Variants in EFR3B observed in about 807,000 individuals in gnomAD.
EFR3B encodes protein EFR3 homolog B.
Under a neutral mutation model 104.7 loss-of-function variants are expected in EFR3B, and 64 were observed. The observed-to-expected ratio is 0.61, with a 90% CI of 0.50 to 0.75. The LOEUF (loss-of-function observed/expected upper bound fraction) is 0.75, where lower values mean the gene tolerates loss of function less well. EFR3B is among the 30% of genes least tolerant of loss of function. EFR3B has a pLI of 0.00. For synonymous variants in EFR3B, 385 were observed against 417.9 expected (o/e 0.92, Z 0.96); for missense variants, 750 against 1,078.5 (o/e 0.70, Z 4.27).
chr2:25,138,013 A>G (rs953443467), intron 15 of EFR3B, among the ~76,000 whole-genome samples: 1 of 152,036 alleles, frequency 6.6e-6, no homozygotes, highest in Non-Finnish European at 1.5e-5. Context: ...CTCCACTAAA[A>G]ATACAAAAAT....
chr2:25,094,680 A>C (rs1669229524), intron 3 of EFR3B, among the ~76,000 whole-genome samples: 2 of 152,224 alleles, frequency 1.3e-5, no homozygotes, highest in African/African-American at 2.4e-5. Flanking sequence ...CTAGAAAGTA[A>C]TTTTGAAATA....
In EFR3B at chr2:25,131,244, G is replaced by A; in HGVS notation, c.850-124G>A. 1 of 1,312,682 alleles carries A rather than the reference G, an allele frequency of 7.6e-7. No individual in the cohort carries two copies. The highest frequency in any genetic ancestry group is 1.0e-6 in the Non-Finnish European group (1 of 975,224). The allele number at this position is 1,312,682 out of a possible 1,614,324, so 81.3% of individuals were successfully genotyped here. On this transcript the variant is annotated intron_variant, in intron 8 of 22. Coordinates refer to ENST00000403714, the MANE Select transcript of EFR3B (RefSeq NM_014971.2). The surrounding 1 kb of genome is among the most constrained non-coding windows in gnomAD (Gnocchi z 7.6). ...AGGGCACGAGGTGTCAGTGCCAACT[G>A]CAGTGCCCGGGGCCTTGGAACGTCC... is the stretch of plus-strand genomic sequence containing the variant.
intron 4 of EFR3B, among the ~76,000 whole-genome samples, chr2:25,118,222 C>T (rs1302348287): frequency 6.6e-6 from 1 of 152,188 alleles, no homozygotes; most frequent in Non-Finnish European, 1.5e-5. Context: ...CTCAAGTGAT[C>T]TGCCTGCCTC....
intron 17 of EFR3B, 77 bp from the exon 18 acceptor site, chr2:25,143,658 C>T: frequency 2.6e-6 from 4 of 1,512,446 alleles, no homozygotes; most frequent in East Asian, 2.5e-5. Context: ...AAAACCCTGT[C>T]TTAAAAAAAA....
chr2:25,044,151 G>C (rs1302723468), intron 1 of EFR3B, among the ~76,000 whole-genome samples: 1 of 152,178 alleles, frequency 6.6e-6, no homozygotes, highest in East Asian at 1.9e-4. Flanking sequence ...AACAGATATG[G>C]TATTTACCCT....
chr2:25,136,513 C>T lies in EFR3B; in HGVS notation c.1485-10C>T, dbSNP rs1263768637. On this transcript the variant is annotated splice_polypyrimidine_tract_variant and intron_variant, in intron 13 of 22. Transcript: ENST00000403714. This position sits in a 1 kb window ranked among gnomAD's most constrained non-coding sequence, Gnocchi z 4.0. ...CAAGGGCTAAGGAGGCCCTTTGCATCCCTTCCCAGTACCCTCAGTGACATC... is the reference window on the plus strand; with the variant it reads ...CAAGGGCTAAGGAGGCCCTTTGCATTCCTTCCCAGTACCCTCAGTGACATC... The T allele has an allele frequency of 1.9e-6, 3 of 1,551,040 alleles. No individual in the cohort carries two copies. Among genetic ancestry groups the T allele is most frequent in the Non-Finnish European group, 2.6e-6 (3 of 1,146,674 alleles).
At chr2:25,101,913 A>T (rs1392223756) in intron 3 of EFR3B, among the ~76,000 whole-genome samples, 4 of 152,244 alleles carry the variant, frequency 2.6e-5, no homozygotes, top group Non-Finnish European at 5.9e-5. Flanking sequence ...AAAACAAAAC[A>T]AAAACAAAAA....
At chr2:25,074,330 C>T (rs913776082) in intron 1 of EFR3B, among the ~76,000 whole-genome samples, 2 of 152,142 alleles carry the variant, frequency 1.3e-5, no homozygotes, top group Admixed American at 6.5e-5. Context: ...CTTTGGGAGG[C>T]CGAGGCGGAT....
At chr2:25,140,039 G>A (rs1490091590) in intron 16 of EFR3B, among the ~76,000 whole-genome samples, 7 of 152,178 alleles carry the variant, frequency 4.6e-5, no homozygotes, top group African/African-American at 1.7e-4. Context: ...CAAGCCAGGC[G>A]CAGTGGCTCA....
chr2:25,101,438 C>A (rs574822114), intron 3 of EFR3B, among the ~76,000 whole-genome samples: 3 of 152,196 alleles, frequency 2.0e-5, no homozygotes, highest in African/African-American at 7.2e-5. Flanking sequence ...CAGCCTCGAC[C>A]TCTCAGGCTC....
chr2:25,136,575 C>T lies in EFR3B; in HGVS notation c.1537C>T (p.Gln513Ter). The T allele has an allele frequency of 6.4e-7, 1 of 1,551,402 alleles. No homozygotes were observed. ...GCTGAAAGTGGACAAGTGCTCTCGA[C>T]AGGACACCGTCTTCATGAAGAAGGT... ...LKLKVDKCSRQDTVFMKKHSQ... is the reference protein window; with the variant it reads ...LKLKVDKCSR The change falls in exon 14 of 23, where the codon CAG (glutamine) becomes TAG (stop). Residue 513 changes from glutamine to a stop codon, truncating the protein, a stop_gained. Coordinates refer to ENST00000403714, the MANE Select transcript of EFR3B (RefSeq NM_014971.2). LOFTEE classifies it high-confidence loss of function. This position sits in a 1 kb window ranked among gnomAD's most constrained non-coding sequence, Gnocchi z 4.0.
chr2:25,103,191 CCTT>C (rs1164863000), intron 3 of EFR3B, among the ~76,000 whole-genome samples: 1 of 152,170 alleles, frequency 6.6e-6, no homozygotes, highest in Non-Finnish European at 1.5e-5. Flanking sequence ...TGAATGACTG[CCTT>C]CTTCATCCTT....
intron 6 of EFR3B, 79 bp downstream of exon 6, chr2:25,128,411 T>G: frequency 6.5e-7 from 1 of 1,527,230 alleles, no homozygotes; most frequent in African/African-American, 1.4e-5. Context: ...TGGTTTGGGT[T>G]GGTCAGTAAA....
intron 19 of EFR3B, 144 bp from the exon 20 acceptor site, chr2:25,149,550 G>C (rs1039064215): frequency 1.0e-5 from 8 of 765,354 alleles, no homozygotes; most frequent in African/African-American, 6.9e-5. Flanking sequence ...AGACCCTGAG[G>C]GGGGTGGGGG....
chr2:25,118,994 GTACATTTGAGTCTACACAGTCAC>G (rs1410346792), intron 4 of EFR3B, among the ~76,000 whole-genome samples: 1 of 152,122 alleles, frequency 6.6e-6, no homozygotes, highest in Non-Finnish European at 1.5e-5. Context: ...TTCTCCTAAT[GTACATTTGAGTCTACACAGTCAC>G]TACATGCTGG....
rs1362030381 is a variant in EFR3B, at chr2:25,156,683, T to C, written c.*2343T>C. ...CCCAAGGCTTTTTGGCTGTGCTTTATGGCCTCTGGCTTATACTCAACCCAA... is the reference window on the plus strand; with the variant it reads ...CCCAAGGCTTTTTGGCTGTGCTTTACGGCCTCTGGCTTATACTCAACCCAA... On this transcript the variant is annotated 3_prime_UTR_variant, in exon 23 of 23. Transcript: ENST00000403714. The C allele has an allele frequency of 6.6e-6, 1 of 152,258 alleles. No individual in the cohort carries two copies. The highest frequency in any genetic ancestry group is 1.5e-5 in the Non-Finnish European group (1 of 68,052). 9.4% of individuals were successfully genotyped at this position (152,258 alleles called of 1,614,324 possible). A position where few individuals can be genotyped will look rare whatever the true frequency, so the allele number is the denominator to read the frequency against.
Position 25,131,265 on chromosome 2 carries a change from C to T in EFR3B, c.850-103C>T, listed in dbSNP as rs1304562459. 1.1e-5 allele frequency: 16 copies of T among 1,447,256 alleles called. No homozygotes were observed. Among genetic ancestry groups the T allele is most frequent in the African/African-American group, 2.8e-5 (2 of 71,000 alleles). The allele number at this position is 1,447,256 out of a possible 1,614,324, so 89.7% of individuals were successfully genotyped here. On this transcript the variant is annotated intron_variant, in intron 8 of 22. Transcript: ENST00000403714. The surrounding 1 kb of genome is among the most constrained non-coding windows in gnomAD (Gnocchi z 7.6). ...AACTGCAGTGCCCGGGGCCTTGGAACGTCCCTTTAGTTTACCCCCGCCTTT... is the reference window on the plus strand; with the variant it reads ...AACTGCAGTGCCCGGGGCCTTGGAATGTCCCTTTAGTTTACCCCCGCCTTT...
chr2:25,150,935 A>G (rs1670986311), intron 20 of EFR3B, among the ~76,000 whole-genome samples: 1 of 151,374 alleles, frequency 6.6e-6, no homozygotes, highest in African/African-American at 2.4e-5. Flanking sequence ...TAAACTGAGT[A>G]TGGGCCAGGC....
intron 1 of EFR3B, chr2:25,080,082 A>T: frequency 2.2e-6 from 2 of 897,120 alleles, no homozygotes; most frequent in Non-Finnish European, 1.9e-6. Flanking sequence ...CCCCCACAAC[A>T]GGTATTTCAA....
Sources: allele counts gnomAD v4.1 joint callset (sites outside exome capture counted in the v4.1 genomes callset), GRCh38; gene constraint gnomAD v4.1.1; non-coding constraint Gnocchi (gnomAD v3.1); transcripts MANE v1.5; gene names NCBI Gene and HGNC (gene_info 2026-07-23, HGNC 2026-07-21).